Variants in SRBD1 observed in about 807,000 individuals in gnomAD.
SRBD1 encodes the protein S1 RNA binding domain 1, also known as S1 RNA-binding domain-containing protein 1.
In SRBD1, 88 loss-of-function variants were observed where a neutral mutation model predicts 115.3. The observed-to-expected ratio is 0.76, with a 90% CI of 0.64 to 0.91. SRBD1 has a LOEUF of 0.91. Among genes scored for constraint, SRBD1 ranks in the 40% least tolerant of loss-of-function variants. The pLI is 0.00. For synonymous variants in SRBD1, 509 were observed against 407.7 expected, an observed-to-expected ratio of 1.25 and a Z score of -2.99; for missense variants, 1,385 against 1,177.4, an observed-to-expected ratio of 1.18 and a Z score of -2.58.
chr2:45,587,996 T>C (rs1354055221), intron 4 of SRBD1, among the ~76,000 whole-genome samples: 4 of 152,158 alleles, frequency 2.6e-5, no homozygotes, highest in Non-Finnish European at 5.9e-5. Context: ...ATCCAATCCA[T>C]CTTAAGAACC....
At chr2:45,525,681 T>A (rs1572734407) in intron 14 of SRBD1, among the ~76,000 whole-genome samples, 1 of 152,062 alleles carries the variant, frequency 6.6e-6, no homozygotes, top group Non-Finnish European at 1.5e-5. Flanking sequence ...CAAAACATCA[T>A]GTTGTACATG....
intron 16 of SRBD1, among the ~76,000 whole-genome samples, chr2:45,456,466 CAAATGTT>C (rs2103759202): frequency 6.6e-6 from 1 of 151,910 alleles, no homozygotes; most frequent in East Asian, 1.9e-4. Context: ...GTTCTCATGT[CAAATGTT>C]TATTCAGAAT....
chr2:45,477,309 A>C (rs1443995970), intron 15 of SRBD1, among the ~76,000 whole-genome samples: 1 of 152,208 alleles, frequency 6.6e-6, no homozygotes, highest in Non-Finnish European at 1.5e-5. Context: ...AACACAAAGT[A>C]GTTTGACAGG....
intron 14 of SRBD1, among the ~76,000 whole-genome samples, chr2:45,507,964 C>T (rs1380703196): frequency 6.6e-6 from 1 of 151,992 alleles, no homozygotes; most frequent in East Asian, 1.9e-4. Flanking sequence ...ATGAACATAA[C>T]CTGGTCTAAT....
At chr2:45,486,682 G>A (rs772524605) in intron 15 of SRBD1, among the ~76,000 whole-genome samples, 4 of 151,810 alleles carry the variant, frequency 2.6e-5, no homozygotes, top group African/African-American at 9.7e-5. Flanking sequence ...GCAGTGAGCC[G>A]AGTTCGCACC....
At chr2:45,542,003 G>T (rs549498936) in intron 14 of SRBD1, among the ~76,000 whole-genome samples, 30 of 152,336 alleles carry the variant, frequency 2.0e-4, no homozygotes, top group African/African-American at 7.0e-4. Flanking sequence ...TTGGAGGTGG[G>T]GGTTTCACTG....
In SRBD1 at chr2:45,389,539, G is replaced by C; in HGVS notation, c.2759C>G (p.Thr920Arg). 1 of 1,614,030 alleles carries C rather than the reference G, an allele frequency of 6.2e-7. No individual in the cohort carries two copies. Among genetic ancestry groups the C allele is most frequent in the Non-Finnish European group, 8.5e-7 (1 of 1,179,950 alleles). The change falls in exon 21 of 21, where the codon ACA becomes AGA. Residue 920 changes from threonine to arginine, a missense_variant. Coordinates refer to ENST00000263736, the MANE Select transcript of SRBD1 (RefSeq NM_018079.5). ...IVCLEDLQIG[T>R]VLTGKVENAT... The stretch of plus-strand genomic sequence containing the variant: ...ATTCTCAACTTTGCCTGTAAGAACT[G>C]TCCCAATCTGCAGATCTTCCAGGCA...
At chr2:45,418,982 T>A (rs1647817361) in intron 17 of SRBD1, among the ~76,000 whole-genome samples, 1 of 152,220 alleles carries the variant, frequency 6.6e-6, no homozygotes, top group South Asian at 2.1e-4. Context: ...CTCAGTAATA[T>A]AGAGCTGAAC....
chr2:45,594,149 C>T (rs1673816186), intron 4 of SRBD1, among the ~76,000 whole-genome samples: 4 of 152,168 alleles, frequency 2.6e-5, no homozygotes, highest in Admixed American at 2.6e-4. Context: ...CACCTTTATA[C>T]ACAGAATTGC....
At chr2:45,513,017 C>T (rs1671015163) in intron 14 of SRBD1, among the ~76,000 whole-genome samples, 1 of 152,132 alleles carries the variant, frequency 6.6e-6, no homozygotes, top group African/African-American at 2.4e-5. Flanking sequence ...CCTCTGACAA[C>T]AGAAAGCAAA....
intron 10 of SRBD1, among the ~76,000 whole-genome samples, chr2:45,555,142 A>G (rs2104072167): frequency 6.6e-6 from 1 of 152,322 alleles, no homozygotes; most frequent in Middle Eastern, 3.4e-3. Context: ...ATCCCAGAGT[A>G]TGGCCTTCCA....
At chr2:45,599,363 C>A (rs1674013220) in intron 4 of SRBD1, 86 bp downstream of exon 4, 1 of 1,494,946 alleles carries the variant, frequency 6.7e-7, no homozygotes, top group Admixed American at 2.3e-5. Context: ...AAACCCCCAG[C>A]CCTTCCCTTA....
intron 8 of SRBD1, 44 bp downstream of exon 8, chr2:45,574,583 G>A: frequency 6.4e-7 from 1 of 1,563,166 alleles, no homozygotes; most frequent in South Asian, 1.1e-5. Flanking sequence ...ACCCTTAACA[G>A]CATGAGTCCA....
rs78056924 is a variant in SRBD1, at chr2:45,466,293, T to C, written c.2049+10700A>G. 3.5e-3 allele frequency among the ~76,000 whole-genome samples: 536 copies of C among 152,230 alleles called. 9 individuals carry two copies. The highest frequency in any genetic ancestry group is 0.012 in the African/African-American group (512 of 41,556). ...GGGCACCTACTACCCCACAGGAGTC[T>C]CTCTGGAGCTCCTCTCCATTTTCTT... is the stretch of plus-strand genomic sequence containing the variant. On this transcript the variant is annotated intron_variant, in intron 16 of 20. Coordinates refer to ENST00000263736, the MANE Select transcript of SRBD1 (RefSeq NM_018079.5).
chr2:45,433,421 A>T (rs1668397113), intron 16 of SRBD1, among the ~76,000 whole-genome samples: 1 of 151,494 alleles, frequency 6.6e-6, no homozygotes, highest in Non-Finnish European at 1.5e-5. Context: ...TAAAAAAAAT[A>T]AATTTAAGCT....
At chr2:45,580,896 G>A (rs1374496806) in intron 6 of SRBD1, among the ~76,000 whole-genome samples, 1 of 150,564 alleles carries the variant, frequency 6.6e-6, no homozygotes, top group Admixed American at 6.6e-5. Context: ...TCTTGGCCAG[G>A]CTGGTCTTGA....
chr2:45,552,336 AT>A (rs1243921050), intron 11 of SRBD1, among the ~76,000 whole-genome samples: 1 of 152,204 alleles, frequency 6.6e-6, no homozygotes, highest in Non-Finnish European at 1.5e-5. Context: ...AAGTTATATT[AT>A]TTTAACCATG....
At chr2:45,402,794 G>A in intron 19 of SRBD1, among the ~76,000 whole-genome samples, 1 of 152,058 alleles carries the variant, frequency 6.6e-6, no homozygotes, top group Non-Finnish European at 1.5e-5. Flanking sequence ...TCTCACTGTG[G>A]CACATACAAA....
intron 18 of SRBD1, among the ~76,000 whole-genome samples, chr2:45,416,801 T>C (rs1219559530): frequency 6.6e-6 from 1 of 152,136 alleles, no homozygotes; most frequent in Admixed American, 6.6e-5. Context: ...TTGAGACAGA[T>C]AGGATCTTGT....
Sources: gnomAD v4.1 joint callset for allele counts (sites outside exome capture counted in the v4.1 genomes callset) on GRCh38, gnomAD v4.1.1 for gene constraint, MANE v1.5 for transcripts, NCBI Gene and HGNC (gene_info 2026-07-23, HGNC 2026-07-21) for gene names.